Variants in PAQR5 observed in about 807,000 individuals in gnomAD.
PAQR5 encodes the protein progestin and adipoQ receptor family member 5.
A neutral mutation model predicts 34.5 loss-of-function variants in PAQR5; 20 were observed. The ratio of observed to expected loss-of-function variants is 0.58; its 90% CI spans 0.41 to 0.84. The LOEUF is 0.84. Among genes scored for constraint, PAQR5 ranks in the 40% least tolerant of loss-of-function variants. The pLI is 0.00. For synonymous variants in PAQR5, 131 were observed against 155.6 expected, an observed-to-expected ratio of 0.84 and a Z score of 1.18; for missense variants, 378 against 412.7, an observed-to-expected ratio of 0.92 and a Z score of 0.73.
rs1350907072 is a variant in PAQR5, at chr15:69,298,953, G to C, written c.-380G>C. 1 of 151,960 alleles carries C rather than the reference G, an allele frequency of 6.6e-6. No individual in the cohort carries two copies. The highest frequency in any genetic ancestry group is 1.5e-5 in the Non-Finnish European group (1 of 67,988). The allele number at this position is 151,960 out of a possible 1,614,324, so 9.4% of individuals were successfully genotyped here. A position where few individuals can be genotyped will look rare whatever the true frequency, so the allele number is the denominator to read the frequency against. On this transcript the variant is annotated 5_prime_UTR_variant, in exon 1 of 9. Transcript: ENST00000395407. ...ACCCGCAGGGCCAGGTGCAGGGCCC[G>C]CGAGTCCGGGGTCGCCGCAGCCCGG...
chr15:69,340,190 CT>C (rs2054609291), intron 2 of PAQR5, among the ~76,000 whole-genome samples: 1 of 151,984 alleles, frequency 6.6e-6, no homozygotes, highest in African/African-American at 2.4e-5. Flanking sequence ...TTTTTTCAAG[CT>C]TTTTTGTTTA....
At chr15:69,353,406 C>A (rs2054977352) in intron 2 of PAQR5, among the ~76,000 whole-genome samples, 1 of 152,218 alleles carries the variant, frequency 6.6e-6, no homozygotes, top group Admixed American at 6.5e-5. Context: ...GGTATTCATA[C>A]AATATTGCTT....
chr15:69,393,544 G>T (rs1045912728), intron 6 of PAQR5, among the ~76,000 whole-genome samples: 2 of 147,324 alleles, frequency 1.4e-5, no homozygotes, highest in Non-Finnish European at 3.0e-5. Flanking sequence ...GTGCAATGTC[G>T]ATGCCTTAGT....
rs73426020 is a variant in PAQR5 at position 69,400,401 on chromosome 15, G to A, written c.751+286G>A. 6.3e-3 allele frequency among the ~76,000 whole-genome samples: 958 copies of A among 152,312 alleles called. 7 individuals are homozygous for A. Among genetic ancestry groups the A allele is most frequent in the African/African-American group, 0.022 (904 of 41,572 alleles). ...CCAGAACATGGAATCCCATGATTAA[G>A]TGAACATTGGGGCTGGGCGTGGTGG... On this transcript the variant is annotated intron_variant, in intron 8 of 8. Transcript: ENST00000395407.
At chr15:69,383,571 T>G (rs111340855) in intron 4 of PAQR5, among the ~76,000 whole-genome samples, 1 of 112,112 alleles carries the variant, frequency 8.9e-6, no homozygotes, top group Admixed American at 9.4e-5. Context: ...GGAGGGTTAG[T>G]GGGCCTCTGT....
intron 2 of PAQR5, among the ~76,000 whole-genome samples, chr15:69,352,575 C>T (rs2102266): frequency 0.81 from 122,884 of 152,214 alleles, 52,486 homozygotes; most frequent in Non-Finnish European, 0.96. Flanking sequence ...AAGAGAAAAC[C>T]GGGGCCTGCC....
chr15:69,315,340 A>G (rs1231831527), intron 1 of PAQR5, among the ~76,000 whole-genome samples: 1 of 152,074 alleles, frequency 6.6e-6, no homozygotes, highest in Non-Finnish European at 1.5e-5. Context: ...TCTGAATAAT[A>G]AAAGAAAAGA....
At chr15:69,384,905 T>C (rs778580851) in intron 5 of PAQR5, 23 bp downstream of exon 5, 3 of 1,594,862 alleles carry the variant, frequency 1.9e-6, no homozygotes, top group Non-Finnish European at 2.6e-6. Context: ...TTGTTCTTGC[T>C]TTCCTTCCCC....
chr15:69,301,972 G>A (rs770489975), intron 1 of PAQR5, among the ~76,000 whole-genome samples: 3 of 149,554 alleles, frequency 2.0e-5, no homozygotes, highest in Non-Finnish European at 3.0e-5. Flanking sequence ...CAGCTCTCAG[G>A]GGTGGTGGGG....
intron 2 of PAQR5, among the ~76,000 whole-genome samples, chr15:69,337,927 A>T (rs1219017181): frequency 6.6e-6 from 1 of 152,032 alleles, no homozygotes; most frequent in Non-Finnish European, 1.5e-5. Flanking sequence ...AAATACAAAA[A>T]TTAGCCAGGT....
chr15:69,373,116 C>G (rs1402213963), intron 3 of PAQR5, among the ~76,000 whole-genome samples: 1 of 152,136 alleles, frequency 6.6e-6, no homozygotes, highest in African/African-American at 2.4e-5. Context: ...ATTCCATAGT[C>G]ACTTTTTCCT....
chr15:69,397,804 T>G, intron 7 of PAQR5: 2 of 566,642 alleles, frequency 3.5e-6, no homozygotes, highest in Non-Finnish European at 6.3e-6. Flanking sequence ...GAGTTTCTTA[T>G]GTCTTCCTTT....
chr15:69,346,685 G>A (rs1476060298), intron 2 of PAQR5, among the ~76,000 whole-genome samples: 1 of 148,408 alleles, frequency 6.7e-6, no homozygotes, highest in Non-Finnish European at 1.5e-5. Context: ...ACAGTAGCAT[G>A]ATCTTGGCTC....
chr15:69,309,776 G>T lies in PAQR5; in HGVS notation c.-277+10720G>T, dbSNP rs1281628631. Among the ~76,000 whole-genome samples, 10 of 152,234 alleles carry T rather than the reference G, an allele frequency of 6.6e-5. No homozygotes were observed. The East Asian group carries it at 1.9e-3, about 29-fold the overall frequency. On this transcript the variant is annotated intron_variant, in intron 1 of 8. Transcript: ENST00000395407. ...CTAGAAAGCTGCTTCTTGGCCAGGT[G>T]CGGTGGTTCATGCCTGTAATCCCAG...
At chr15:69,394,649 G>C in intron 6 of PAQR5, among the ~76,000 whole-genome samples, 1 of 152,230 alleles carries the variant, frequency 6.6e-6, no homozygotes, top group Non-Finnish European at 1.5e-5. Flanking sequence ...TCTGAGCAGA[G>C]ACCTCACTTC....
intron 2 of PAQR5, among the ~76,000 whole-genome samples, chr15:69,342,676 G>A (rs896057596): frequency 1.3e-5 from 2 of 152,122 alleles, no homozygotes; most frequent in African/African-American, 4.8e-5. Flanking sequence ...GCACAGTGAT[G>A]GGATCAAGAC....
At position 69,361,716 on chromosome 15, in the gene PAQR5, C is replaced by T. The variant is rs559587474; in HGVS notation, c.51+1585C>T. 3.9e-5 allele frequency among the ~76,000 whole-genome samples: 6 copies of T among 152,288 alleles called. No individual in the cohort carries two copies. The South Asian group carries it at 1.2e-3, about 32-fold the overall frequency. ...GTTTGGGGGACAACACCCCCATGAT[C>T]CAATCACCTCCCACCAGGTTCCTCC... On this transcript the variant is annotated intron_variant, in intron 3 of 8. Coordinates refer to ENST00000395407, the MANE Select transcript of PAQR5 (RefSeq NM_017705.4).
intron 3 of PAQR5, among the ~76,000 whole-genome samples, chr15:69,368,261 C>T (rs914889833): frequency 8.5e-5 from 13 of 152,202 alleles, no homozygotes; most frequent in African/African-American, 3.1e-4. Context: ...CCATGTTGGC[C>T]AGGCTGGTCT....
Position 69,315,912 on chromosome 15 carries a change from G to A in PAQR5, c.-277+16856G>A, listed in dbSNP as rs543393844. On this transcript the variant is annotated intron_variant, in intron 1 of 8. Transcript: ENST00000395407. ...CCGCTTCCTTCCCCTTGGGCTCGGGGCAGTCCTTGGGTCAGGAGCTCAAGG... is the reference window on the plus strand; with the variant it reads ...CCGCTTCCTTCCCCTTGGGCTCGGGACAGTCCTTGGGTCAGGAGCTCAAGG... Among the ~76,000 whole-genome samples the A allele has an allele frequency of 8.4e-4, 128 of 152,176 alleles. 1 individual carries two copies. The highest frequency in any genetic ancestry group is 2.6e-3 in the African/African-American group (109 of 41,494).
Sources: gnomAD v4.1 joint callset for allele counts (sites outside exome capture counted in the v4.1 genomes callset) on GRCh38, gnomAD v4.1.1 for gene constraint, MANE v1.5 for transcripts, NCBI Gene and HGNC (gene_info 2026-07-23, HGNC 2026-07-21) for gene names.